CELF4: variants seen among roughly 807,000 people sequenced by gnomAD.
The protein encoded by CELF4 is CUGBP Elav-like family member 4.
CELF4 carries 18 observed loss-of-function variants against 59.9 expected under a neutral mutation model. The ratio of observed to expected loss-of-function variants is 0.30; its 90% confidence interval spans 0.21 to 0.45. CELF4 has a LOEUF of 0.45. Among genes scored for constraint, CELF4 ranks in the 20% least tolerant of loss-of-function variants. CELF4 has a pLI of 1.00. For synonymous variants in CELF4, 261 were observed against 267.1 expected, an observed-to-expected ratio of 0.98 and a Z score of 0.22; for missense variants, 456 against 689.0, an observed-to-expected ratio of 0.66 and a Z score of 3.79.
intron 2 of CELF4, among the ~76,000 whole-genome samples, chr18:37,400,361 C>T (rs2099311490): frequency 6.6e-6 from 1 of 152,074 alleles, no homozygotes; most frequent in Admixed American, 6.5e-5. Flanking sequence ...TATGCATGTA[C>T]ACACACACAT....
At chr18:37,415,218 G>A (rs560641645) in intron 2 of CELF4, among the ~76,000 whole-genome samples, 2 of 152,350 alleles carry the variant, frequency 1.3e-5, no homozygotes, top group East Asian at 1.9e-4. Context: ...GGGTGAACAG[G>A]AGGGCAGGGG....
At chr18:37,404,469 C>A (rs576476428) in intron 2 of CELF4, among the ~76,000 whole-genome samples, 1 of 152,196 alleles carries the variant, frequency 6.6e-6, no homozygotes, top group African/African-American at 2.4e-5. Context: ...AGACACAGGG[C>A]AGGGAACTTG....
chr18:37,345,865 C>T (rs913258573), intron 2 of CELF4, among the ~76,000 whole-genome samples: 2 of 152,170 alleles, frequency 1.3e-5, no homozygotes, highest in Admixed American at 6.5e-5. Context: ...CCAAAACCAC[C>T]CACCTACCCA....
chr18:37,390,596 G>A (rs1207960357), intron 2 of CELF4, among the ~76,000 whole-genome samples: 2 of 152,088 alleles, frequency 1.3e-5, no homozygotes, highest in Admixed American at 1.3e-4. Context: ...TGGCAACAGT[G>A]CTGGTGAGCA....
chr18:37,261,725 A>G (rs1440766063), intron 10 of CELF4, among the ~76,000 whole-genome samples: 1 of 152,236 alleles, frequency 6.6e-6, no homozygotes, highest in Non-Finnish European at 1.5e-5. Flanking sequence ...CAGCCCTGGC[A>G]GAGCCGCTGC....
intron 2 of CELF4, among the ~76,000 whole-genome samples, chr18:37,424,680 C>G (rs2099600640): frequency 6.6e-6 from 1 of 152,166 alleles, no homozygotes; most frequent in African/African-American, 2.4e-5. Context: ...GCCGAGGGAG[C>G]ACCACTGCCC....
chr18:37,476,895 C>T (rs1603642153), intron 2 of CELF4, among the ~76,000 whole-genome samples: 1 of 152,242 alleles, frequency 6.6e-6, no homozygotes, highest in Non-Finnish European at 1.5e-5. Flanking sequence ...GCACCGGCGG[C>T]GAATGCCTGG....
At chr18:37,527,226 CCT>C (rs1336556421) in intron 1 of CELF4, among the ~76,000 whole-genome samples, 2 of 151,862 alleles carry the variant, frequency 1.3e-5, no homozygotes, top group East Asian at 3.9e-4. Context: ...AGCCGCACTC[CCT>C]GATATCAACT....
intron 2 of CELF4, among the ~76,000 whole-genome samples, chr18:37,358,868 C>G (rs972735368): frequency 6.6e-6 from 1 of 152,138 alleles, no homozygotes; most frequent in Non-Finnish European, 1.5e-5. Flanking sequence ...CTTCGGGAAG[C>G]TGAGGTAGGT....
intron 2 of CELF4, among the ~76,000 whole-genome samples, chr18:37,440,255 TAACA>T (rs1448182025): frequency 6.6e-6 from 1 of 152,102 alleles, no homozygotes; most frequent in African/African-American, 2.4e-5. Flanking sequence ...GTGCTGGAAC[TAACA>T]ACCAGGTGGG....
intron 1 of CELF4, among the ~76,000 whole-genome samples, chr18:37,507,784 C>G (rs972529558): frequency 1.3e-5 from 2 of 152,224 alleles, no homozygotes; most frequent in Non-Finnish European, 2.9e-5. Flanking sequence ...CACACAGCCA[C>G]CTGCTGAACA....
intron 10 of CELF4, 47 bp downstream of exon 10, chr18:37,264,627 G>C: frequency 6.7e-7 from 1 of 1,494,922 alleles, no homozygotes; most frequent in Non-Finnish European, 9.1e-7. Context: ...GCCTCTTTGG[G>C]GACAACAGGG....
At chr18:37,265,441 A>G (rs1369997859) in intron 9 of CELF4, among the ~76,000 whole-genome samples, 1 of 152,136 alleles carries the variant, frequency 6.6e-6, no homozygotes, top group Non-Finnish European at 1.5e-5. Context: ...CACAGGAAGG[A>G]TTTCCCACTT....
intron 2 of CELF4, among the ~76,000 whole-genome samples, chr18:37,429,164 TG>T (rs1467118234): frequency 1.5e-4 from 23 of 152,210 alleles, no homozygotes; most frequent in African/African-American, 5.5e-4. Flanking sequence ...GCTGGCTACG[TG>T]GGAGGTGTTC....
intron 2 of CELF4, among the ~76,000 whole-genome samples, chr18:37,332,165 A>G (rs1275707126): frequency 6.6e-6 from 1 of 152,122 alleles, no homozygotes; most frequent in East Asian, 1.9e-4. Flanking sequence ...GCTTGTACAT[A>G]GGAGGTGCTT....
In CELF4 at chr18:37,244,143, GTTTT is replaced by G. The variant is rs923012301; in HGVS notation, c.*1095_*1098del. The stretch of plus-strand genomic sequence containing the variant: ...TTAGCAGTAATGCTAACTTCTATAG[GTTTT>G]TTTTTTCCTTTTTTATTTTTTTTTT... On this transcript the variant is annotated 3_prime_UTR_variant, in exon 13 of 13. Transcript: ENST00000420428. 1.4e-5 allele frequency: 2 copies of G among 144,170 alleles called. No individual in the cohort carries two copies. Among genetic ancestry groups the G allele is most frequent in the Non-Finnish European group, 3.0e-5 (2 of 65,730 alleles). The allele number at this position is 144,170 out of a possible 1,614,324, so 8.9% of individuals were successfully genotyped here. A position where few individuals can be genotyped will look rare whatever the true frequency, so the allele number is the denominator to read the frequency against.
At chr18:37,496,375 G>A (rs577922358) in intron 1 of CELF4, among the ~76,000 whole-genome samples, 2 of 152,180 alleles carry the variant, frequency 1.3e-5, no homozygotes, top group African/African-American at 4.8e-5. Flanking sequence ...AATTCAGGAG[G>A]GGAAGGTGTG....
chr18:37,398,102 G>A (rs1229730814), intron 2 of CELF4, among the ~76,000 whole-genome samples: 7 of 152,346 alleles, frequency 4.6e-5, no homozygotes, highest in Admixed American at 3.9e-4. Context: ...GTCCTTCAGG[G>A]AGGACAGGTG....
chr18:37,324,784 A>T (rs1034403862), intron 2 of CELF4, among the ~76,000 whole-genome samples: 29 of 152,198 alleles, frequency 1.9e-4, no homozygotes, highest in Admixed American at 1.3e-4. Flanking sequence ...TACTGATCGC[A>T]TTGCTAGATC....
Sources: gnomAD v4.1 joint callset for allele counts (sites outside exome capture counted in the v4.1 genomes callset) on GRCh38, gnomAD v4.1.1 for gene constraint, MANE v1.5 for transcripts, NCBI Gene and HGNC (gene_info 2026-07-23, HGNC 2026-07-21) for gene names.